The following BCAS3 variants were observed in gnomAD, a reference collection of about 807,000 sequenced individuals.
The protein encoded by BCAS3 is BCAS4/BCAS3 fusion.
Under a neutral mutation model 116.1 loss-of-function variants are expected in BCAS3, and 53 were observed. The observed-to-expected ratio is 0.46, with a 90% CI of 0.37 to 0.57. BCAS3 has a LOEUF of 0.57. Among genes scored for constraint, BCAS3 ranks in the 20% least tolerant of loss-of-function variants. BCAS3 has a pLI of 0.00. For missense variants in BCAS3, 917 were observed against 1,165.4 expected (o/e 0.79, Z 3.10); for synonymous variants, 391 against 408.2 (o/e 0.96, Z 0.51).
chr17:61,027,913 A>C (rs574150930), intron 16 of BCAS3, among the ~76,000 whole-genome samples: 21 of 152,016 alleles, frequency 1.4e-4, no homozygotes, highest in African/African-American at 4.3e-4. Context: ...CGTGTTTCAA[A>C]AGAAGCTTAT....
At position 61,339,564 on chromosome 17, in the gene BCAS3, G is replaced by A. The variant is rs974734276; in HGVS notation, c.2426-28763G>A. Among the ~76,000 whole-genome samples the A allele has an allele frequency of 2.6e-5, 4 of 152,074 alleles. No homozygotes were observed. Among genetic ancestry groups the A allele is most frequent in the South Asian group, 2.1e-4 (1 of 4,822 alleles). ...GCAGATCACCTGAGGTCAGGAGTTC[G>A]AGACCAGCCTAGCCAACATGGTGAA... On this transcript the variant is annotated intron_variant, in intron 22 of 23. Coordinates refer to ENST00000407086, the MANE Select transcript of BCAS3 (RefSeq NM_017679.5). This position sits in a 1 kb window ranked among gnomAD's most constrained non-coding sequence, Gnocchi z 4.4.
chr17:60,895,479 T>C (rs950640334), intron 10 of BCAS3, among the ~76,000 whole-genome samples: 2 of 152,198 alleles, frequency 1.3e-5, no homozygotes, highest in African/African-American at 4.8e-5. Context: ...TTATCAATTT[T>C]GTTTATCTTT....
chr17:61,143,865 A>T (rs2077055548), intron 22 of BCAS3, among the ~76,000 whole-genome samples: 1 of 152,154 alleles, frequency 6.6e-6, no homozygotes, highest in Non-Finnish European at 1.5e-5. Flanking sequence ...GACACCTACA[A>T]ATTAGGGGTG....
At chr17:61,303,056 C>G (rs756514210) in intron 22 of BCAS3, among the ~76,000 whole-genome samples, 1 of 152,148 alleles carries the variant, frequency 6.6e-6, no homozygotes, top group Non-Finnish European at 1.5e-5. Flanking sequence ...AAGGCCTGTC[C>G]GACAACAGGA....
At chr17:61,308,288 A>C (rs1226321888) in intron 22 of BCAS3, among the ~76,000 whole-genome samples, 2 of 152,098 alleles carry the variant, frequency 1.3e-5, no homozygotes, top group Non-Finnish European at 2.9e-5. Flanking sequence ...GAAAAACATC[A>C]ACAAGCATTA....
At position 60,874,636 on chromosome 17, in the gene BCAS3, T is replaced by C. The variant is rs1198764912; in HGVS notation, c.585-26T>C. 91 of 1,541,018 alleles carry C rather than the reference T, an allele frequency of 5.9e-5. 2 individuals are homozygous for C. The East Asian group carries it at 2.0e-3, about 34-fold the overall frequency. On this transcript the variant is annotated intron_variant, in intron 8 of 23. Coordinates refer to ENST00000407086, the MANE Select transcript of BCAS3 (RefSeq NM_017679.5). ...ATTTCACATTCACTTTTTTTCTTTC[T>C]GTTTTTTTTCTCTCTCTAATTTTAG...
chr17:61,361,221 G>A lies in BCAS3; in HGVS notation c.2426-7106G>A, dbSNP rs992008846. 1.3e-5 allele frequency among the ~76,000 whole-genome samples: 2 copies of A among 151,794 alleles called. No homozygotes were observed. The highest frequency in any genetic ancestry group is 2.4e-5 in the African/African-American group (1 of 41,340). ...AAAAAAAAAAAGAAAAGACCCAGAC[G>A]GAGTAGCAACTTGCCCAGAGTAACC... On this transcript the variant is annotated intron_variant, in intron 22 of 23. Transcript: ENST00000407086. The surrounding 1 kb of genome is among the most constrained non-coding windows in gnomAD (Gnocchi z 6.5).
chr17:61,011,417 A>G (rs2065107579), intron 15 of BCAS3, among the ~76,000 whole-genome samples: 1 of 151,998 alleles, frequency 6.6e-6, no homozygotes, highest in Non-Finnish European at 1.5e-5. Flanking sequence ...ATGTCTAAAG[A>G]TCTATTTTTA....
chr17:61,322,997 T>G (rs2055431513), intron 22 of BCAS3, among the ~76,000 whole-genome samples: 1 of 152,050 alleles, frequency 6.6e-6, no homozygotes, highest in Non-Finnish European at 1.5e-5. Context: ...TTCCTTTTTT[T>G]TTAAAGGCGT....
chr17:60,880,665 T>A (rs2056040208), intron 9 of BCAS3, among the ~76,000 whole-genome samples: 1 of 152,342 alleles, frequency 6.6e-6, no homozygotes, highest in African/African-American at 2.4e-5. Context: ...AGATAATGCT[T>A]GTATGGACAC....
At chr17:60,703,318 G>A (rs1027144740) in intron 4 of BCAS3, among the ~76,000 whole-genome samples, 1 of 152,006 alleles carries the variant, frequency 6.6e-6, no homozygotes, top group African/African-American at 2.4e-5. Flanking sequence ...GCCAGGCGCG[G>A]TGGCTCACCC....
In BCAS3 at chr17:61,189,264, A is replaced by C. The variant is rs2079960909; in HGVS notation, c.2425+104700A>C. 6.6e-6 allele frequency among the ~76,000 whole-genome samples: 1 copy of C among 152,224 alleles called. No individual in the cohort carries two copies. The highest frequency in any genetic ancestry group is 2.1e-4 in the South Asian group (1 of 4,830). ...GTACACCTGGGAGAAGTGTAATAGC[A>C]ATCTAGGTAGAGAAGATAAGCATAA... is the stretch of plus-strand genomic sequence containing the variant. On this transcript the variant is annotated intron_variant, in intron 22 of 23. Coordinates refer to ENST00000407086, the MANE Select transcript of BCAS3 (RefSeq NM_017679.5). The surrounding 1 kb of genome is among the most constrained non-coding windows in gnomAD (Gnocchi z 4.5).
chr17:61,262,551 T>C (rs1315277546), intron 22 of BCAS3, among the ~76,000 whole-genome samples: 1 of 152,104 alleles, frequency 6.6e-6, no homozygotes, highest in Admixed American at 6.6e-5. Context: ...CAGCTAATTT[T>C]TGTATTGTTA....
At position 61,303,904 on chromosome 17, in the gene BCAS3, T is replaced by G. The variant is rs528508992; in HGVS notation, c.2426-64423T>G. Reference sequence around the variant, plus strand: ...TGTTCAGCAGCATTTGTTGGAGAGATAGATGAAGAGTAGGCATATTGTTCC... The same window carrying G: ...TGTTCAGCAGCATTTGTTGGAGAGAGAGATGAAGAGTAGGCATATTGTTCC... On this transcript the variant is annotated intron_variant, in intron 22 of 23. Transcript: ENST00000407086. Among the ~76,000 whole-genome samples, 11 of 152,310 alleles carry G rather than the reference T, an allele frequency of 7.2e-5. No homozygotes were observed. The South Asian group carries it at 1.0e-3, about 14-fold the overall frequency.
Position 60,974,862 on chromosome 17 carries a change from G to A in BCAS3, c.1222-15109G>A, listed in dbSNP as rs561312548. ...AATGAGGATTCCCAGATTAAGTTAA[G>A]TGCTGTTTGCTTGAGTTTTTCTTCT... On this transcript the variant is annotated intron_variant, in intron 14 of 23. Transcript: ENST00000407086. 6.6e-5 allele frequency among the ~76,000 whole-genome samples: 10 copies of A among 152,228 alleles called. No homozygotes were observed. In the East Asian group the frequency reaches 1.9e-3, roughly 29 times the overall value.
intron 4 of BCAS3, 93 bp downstream of exon 4, chr17:60,689,854 T>TATAAGAGAAAG: frequency 1.2e-6 from 1 of 833,046 alleles, no homozygotes; most frequent in Non-Finnish European, 1.9e-6. Flanking sequence ...GTCAGATTAC[T>TATAAGAGAAAG]TTCTCTTATA....
chr17:60,705,840 T>C (rs2037052487), intron 4 of BCAS3, among the ~76,000 whole-genome samples: 1 of 152,184 alleles, frequency 6.6e-6, no homozygotes, highest in Non-Finnish European at 1.5e-5. Flanking sequence ...AAGCAAATGA[T>C]GGAAGAAGGA....
At chr17:61,170,972 G>A (rs2078809551) in intron 22 of BCAS3, among the ~76,000 whole-genome samples, 1 of 152,218 alleles carries the variant, frequency 6.6e-6, no homozygotes, top group Admixed American at 6.5e-5. Flanking sequence ...AGCTTATGCA[G>A]GGCTGGGAGT....
chr17:61,238,439 T>C lies in BCAS3; in HGVS notation c.2426-129888T>C, dbSNP rs554177699. The stretch of plus-strand genomic sequence containing the variant: ...GGTTTCACCACGTTGGCCAGGCTGG[T>C]CTCGAACTCCTGACCTCGTGATCCA... On this transcript the variant is annotated intron_variant, in intron 22 of 23. Coordinates refer to ENST00000407086, the MANE Select transcript of BCAS3 (RefSeq NM_017679.5). Among the ~76,000 whole-genome samples the C allele has an allele frequency of 4.3e-4, 66 of 152,148 alleles. 1 individual carries two copies. The South Asian group carries it at 0.013, about 30-fold the overall frequency.
Sources: allele counts gnomAD v4.1 joint callset (sites outside exome capture counted in the v4.1 genomes callset), GRCh38; gene constraint gnomAD v4.1.1; non-coding constraint Gnocchi (gnomAD v3.1); transcripts MANE v1.5; gene names NCBI Gene and HGNC (gene_info 2026-07-23, HGNC 2026-07-21).